INSYN2B: variants seen among roughly 807,000 people sequenced by gnomAD.
The protein encoded by INSYN2B is inhibitory synaptic factor family member 2B, also known as protein INSYN2B.
A neutral mutation model predicts 41.2 loss-of-function variants in INSYN2B; 16 were observed. That is an observed-to-expected ratio of 0.39 (90% CI 0.26 to 0.59). The LOEUF is 0.59. Ranked by LOEUF, INSYN2B falls within the 20% of genes least tolerant of loss-of-function variation. INSYN2B has a pLI of 0.57. For missense variants in INSYN2B, 608 were observed against 646.4 expected (o/e 0.94, Z 0.64); for synonymous variants, 245 against 244.4 (o/e 1.00, Z -0.02).
At chr5:169,867,406 T>A (rs1198863631) in intron 3 of INSYN2B, among the ~76,000 whole-genome samples, 3 of 84,468 alleles carry the variant, frequency 3.6e-5, no homozygotes, top group Non-Finnish European at 7.6e-5. Context: ...GGTGAAAACC[T>A]CTCTGTCTGT....
rs1360136986 is a variant in INSYN2B, at chr5:169,864,307, T to G, written c.1574A>C (p.Lys525Thr). ...CCAGAAGCATTTCTTTTTCACCTTC[T>G]TGGTTTTCCGCCTTAAGTCCTGCTT... The part of the protein sequence containing the change: ...PEKQDLRRKT[K>T]KVKKKCFWWI The change falls in exon 4 of 4, where the codon AAG becomes ACG. Residue 525 changes from lysine (K) to threonine (T), a missense_variant. By Grantham distance (78) the Lys-to-Thr change is moderately conservative. Coordinates refer to ENST00000377365, the MANE Select transcript of INSYN2B (RefSeq NM_001129891.3). 3.2e-6 allele frequency: 5 copies of G among 1,551,678 alleles called. No individual in the cohort carries two copies. Among genetic ancestry groups the G allele is most frequent in the South Asian group, 1.2e-5 (1 of 84,060 alleles).
At chr5:169,900,580 GTC>G (rs1773867670) in intron 1 of INSYN2B, among the ~76,000 whole-genome samples, 1 of 152,160 alleles carries the variant, frequency 6.6e-6, no homozygotes, top group African/African-American at 2.4e-5. Flanking sequence ...TAAATGTCGA[GTC>G]TCTCTCCTTT....
intron 1 of INSYN2B, among the ~76,000 whole-genome samples, chr5:169,916,312 A>G (rs1774872885): frequency 6.6e-6 from 1 of 152,256 alleles, no homozygotes; most frequent in Non-Finnish European, 1.5e-5. Flanking sequence ...GTGTCTGCAC[A>G]TGCATGGATC....
At position 169,945,767 on chromosome 5, in the gene INSYN2B, CT is replaced by C. The variant is rs200958122; in HGVS notation, c.-919+34509del. 6.9e-3 allele frequency among the ~76,000 whole-genome samples: 1,054 copies of C among 152,346 alleles called. 9 individuals are homozygous for C. Among genetic ancestry groups the C allele is most frequent in the African/African-American group, 0.024 (1,010 of 41,582 alleles). On this transcript the variant is annotated intron_variant, in intron 1 of 3. Coordinates refer to ENST00000377365, the MANE Select transcript of INSYN2B (RefSeq NM_001129891.3). ...CCTCTGGTTCTCTCGGCCCCCAAGG[CT>C]TTTCTTCAGCAGCCAGCACCTCTGG...
chr5:169,882,924 T>C lies in INSYN2B; in HGVS notation c.975A>G (p.Arg325=). 1 of 1,551,940 alleles carries C rather than the reference T, an allele frequency of 6.4e-7. No homozygotes were observed. Among genetic ancestry groups the C allele is most frequent in the South Asian group, 1.2e-5 (1 of 84,036 alleles). Residue 325 remains arginine (R), a synonymous_variant, in exon 2 of 4, where the codon AGA becomes AGG. Coordinates refer to ENST00000377365, the MANE Select transcript of INSYN2B (RefSeq NM_001129891.3). ...TACTTGATGAAGGACAGTCTGAGGC[T>C]CTTCCTGGGTGGGCTGGCTGGCTGT... ...GSHSQPAHPG[R]ASDCPSSSNN...
chr5:169,960,764 A>AAATCC (rs1436510264), intron 1 of INSYN2B, among the ~76,000 whole-genome samples: 1 of 152,202 alleles, frequency 6.6e-6, no homozygotes, highest in African/African-American at 2.4e-5. Flanking sequence ...ATTAAATGGA[A>AAATCC]AATCCACAGA....
intron 1 of INSYN2B, among the ~76,000 whole-genome samples, chr5:169,947,617 C>T (rs1444568877): frequency 1.3e-5 from 2 of 152,208 alleles, no homozygotes; most frequent in Non-Finnish European, 2.9e-5. Context: ...CTCATTATTT[C>T]TTATTCCTCT....
intron 1 of INSYN2B, among the ~76,000 whole-genome samples, chr5:169,888,833 T>C (rs1773123905): frequency 6.6e-6 from 1 of 152,240 alleles, no homozygotes; most frequent in African/African-American, 2.4e-5. Context: ...GAGACACTTG[T>C]GAATTTGTCT....
intron 1 of INSYN2B, among the ~76,000 whole-genome samples, chr5:169,970,559 C>T (rs1283525765): frequency 6.6e-6 from 1 of 152,168 alleles, no homozygotes; most frequent in East Asian, 1.9e-4. Flanking sequence ...ACCACCCAAC[C>T]TCTCTGGTCC....
intron 3 of INSYN2B, among the ~76,000 whole-genome samples, chr5:169,878,098 A>G (rs1772433283): frequency 6.6e-6 from 1 of 152,228 alleles, no homozygotes; most frequent in Non-Finnish European, 1.5e-5. Flanking sequence ...AGCACTGCTG[A>G]CTATTTTTAG....
At position 169,921,816 on chromosome 5, in the gene INSYN2B, G is replaced by A. The variant is rs1036929854; in HGVS notation, c.-918-37000C>T. Among the ~76,000 whole-genome samples the A allele has an allele frequency of 6.6e-5, 10 of 152,094 alleles. 1 individual carries two copies. The highest frequency in any genetic ancestry group is 3.9e-4 in the Admixed American group (6 of 15,258). The stretch of plus-strand genomic sequence containing the variant: ...CAGTCTTCTCCCAGAGCTCTTAATC[G>A]AACTTTTAAGTTTCTCAATTGAATA... On this transcript the variant is annotated intron_variant, in intron 1 of 3. Coordinates refer to ENST00000377365, the MANE Select transcript of INSYN2B (RefSeq NM_001129891.3).
At chr5:169,923,653 T>C (rs1775294182) in intron 1 of INSYN2B, among the ~76,000 whole-genome samples, 1 of 152,232 alleles carries the variant, frequency 6.6e-6, no homozygotes, top group South Asian at 2.1e-4. Flanking sequence ...AAGGATAATA[T>C]TGCTTCAAAG....
At chr5:169,952,291 T>C (rs758965858) in intron 1 of INSYN2B, among the ~76,000 whole-genome samples, 7 of 152,170 alleles carry the variant, frequency 4.6e-5, no homozygotes, top group Non-Finnish European at 8.8e-5. Flanking sequence ...TATTGAGAAC[T>C]TGTTGTGTAC....
At chr5:169,969,693 A>C (rs1373586060) in intron 1 of INSYN2B, among the ~76,000 whole-genome samples, 1 of 150,912 alleles carries the variant, frequency 6.6e-6, no homozygotes, top group Non-Finnish European at 1.5e-5. Flanking sequence ...AACAACAGTG[A>C]GAGAACTAGG....
chr5:169,966,265 G>A (rs1777296635), intron 1 of INSYN2B, among the ~76,000 whole-genome samples: 1 of 152,116 alleles, frequency 6.6e-6, no homozygotes, highest in South Asian at 2.1e-4. Context: ...AAAATGGGCT[G>A]CAAATGTGTA....
chr5:169,970,941 A>C (rs1777480123), intron 1 of INSYN2B, among the ~76,000 whole-genome samples: 1 of 151,572 alleles, frequency 6.6e-6, no homozygotes, highest in South Asian at 2.1e-4. Context: ...CTTCAAAGGC[A>C]GGGGTTTTGC....
At chr5:169,939,362 G>A (rs1776136642) in intron 1 of INSYN2B, among the ~76,000 whole-genome samples, 1 of 152,162 alleles carries the variant, frequency 6.6e-6, no homozygotes. Context: ...TAACATTCAT[G>A]AATTTGTCAC....
chr5:169,895,943 C>T (rs978497762), intron 1 of INSYN2B, among the ~76,000 whole-genome samples: 3 of 152,170 alleles, frequency 2.0e-5, no homozygotes, highest in South Asian at 2.1e-4. Context: ...GAGATGTCCC[C>T]GATTACCACT....
intron 1 of INSYN2B, among the ~76,000 whole-genome samples, chr5:169,906,138 G>A (rs766124871): frequency 3.7e-4 from 57 of 152,238 alleles, no homozygotes; most frequent in Admixed American, 6.5e-4. Flanking sequence ...ACATTCATTC[G>A]TGCAGTAAAT....
Sources: allele counts gnomAD v4.1 joint callset (sites outside exome capture counted in the v4.1 genomes callset), GRCh38; gene constraint gnomAD v4.1.1; transcripts MANE v1.5; gene names NCBI Gene and HGNC (gene_info 2026-07-23, HGNC 2026-07-21).